The following RASGRP3 variants were observed in gnomAD, a reference collection of about 807,000 sequenced individuals.
RASGRP3 encodes the protein ras guanyl-releasing protein 3.
Under a neutral mutation model 82.7 loss-of-function variants are expected in RASGRP3, and 54 were observed. That is an observed-to-expected ratio of 0.65 (90% CI 0.52 to 0.82). The LOEUF (loss-of-function observed/expected upper bound fraction) is 0.82. Ranked by LOEUF, RASGRP3 falls within the 40% of genes least tolerant of loss-of-function variation. RASGRP3 has a pLI of 0.00. For missense variants in RASGRP3, 861 were observed against 828.9 expected (o/e 1.04, Z -0.48); for synonymous variants, 309 against 300.5 (o/e 1.03, Z -0.29).
At chr2:33,484,862 T>C (rs1264955680) in intron 1 of RASGRP3, among the ~76,000 whole-genome samples, 1 of 152,148 alleles carries the variant, frequency 6.6e-6, no homozygotes, top group Non-Finnish European at 1.5e-5. Context: ...AGTAGGTGCC[T>C]TTTTCATCCA....
At chr2:33,559,721 CA>C (rs1676440239) in intron 17 of RASGRP3, 1 of 483,182 alleles carries the variant, frequency 2.1e-6, no homozygotes. Flanking sequence ...ACATTTAAAG[CA>C]ATGTCATGGA....
chr2:33,465,597 A>T (rs1666650277), intron 2 of RASGRP3, among the ~76,000 whole-genome samples: 1 of 152,250 alleles, frequency 6.6e-6, no homozygotes, highest in Non-Finnish European at 1.5e-5. Context: ...AAACTGCAGC[A>T]AGTTATCCAC....
chr2:33,507,277 C>A (rs1670470502), intron 1 of RASGRP3, among the ~76,000 whole-genome samples: 1 of 152,160 alleles, frequency 6.6e-6, no homozygotes, highest in African/African-American at 2.4e-5. Flanking sequence ...TGCCTGTAAT[C>A]CCAGGTACTC....
At chr2:33,454,009 G>C (rs1414398638) in intron 2 of RASGRP3, among the ~76,000 whole-genome samples, 4 of 152,312 alleles carry the variant, frequency 2.6e-5, no homozygotes, top group African/African-American at 9.6e-5. Flanking sequence ...TCTGTGGATT[G>C]AGATGGCTGT....
At chr2:33,560,039 T>A (rs1470122316) in intron 17 of RASGRP3, among the ~76,000 whole-genome samples, 2 of 152,218 alleles carry the variant, frequency 1.3e-5, no homozygotes, top group African/African-American at 2.4e-5. Context: ...TTCTATAACA[T>A]CCACTTTTAA....
chr2:33,510,953 G>C (rs1304038658), intron 1 of RASGRP3, among the ~76,000 whole-genome samples: 1 of 152,040 alleles, frequency 6.6e-6, no homozygotes, highest in African/African-American at 2.4e-5. Context: ...AGTGTCCTAG[G>C]CAACCTCAGA....
intron 2 of RASGRP3, among the ~76,000 whole-genome samples, chr2:33,466,252 G>A (rs1490407026): frequency 1.3e-5 from 2 of 152,202 alleles, no homozygotes; most frequent in Non-Finnish European, 2.9e-5. Flanking sequence ...AAATCCTTCT[G>A]GAAAGGATTC....
At chr2:33,552,701 T>G (rs1675489874) in intron 14 of RASGRP3, among the ~76,000 whole-genome samples, 1 of 152,038 alleles carries the variant, frequency 6.6e-6, no homozygotes. Context: ...GCAGAAGATT[T>G]ACTTTAGAAT....
intron 2 of RASGRP3, among the ~76,000 whole-genome samples, chr2:33,450,410 C>T (rs542229783): frequency 1.9e-4 from 28 of 151,320 alleles, no homozygotes; most frequent in South Asian, 2.1e-4. Flanking sequence ...CCTTGCAATC[C>T]TCATTCTACT....
rs773178507 is a variant in RASGRP3 at position 33,520,051 on chromosome 2, T to G, written c.236+37T>G. 9 of 1,501,390 alleles carry G rather than the reference T, an allele frequency of 6.0e-6. No individual in the cohort carries two copies. The East Asian group carries it at 2.2e-4, about 36-fold the overall frequency. The allele number at this position is 1,501,390 out of a possible 1,614,324, so 93.0% of individuals were successfully genotyped here. ...TACAAATTTAATTTCTTGTAGTTTCTGGTTCTGGAATCGTGGACAATTTCC... is the reference window on the plus strand; with the variant it reads ...TACAAATTTAATTTCTTGTAGTTTCGGGTTCTGGAATCGTGGACAATTTCC... On this transcript the variant is annotated intron_variant, in intron 5 of 17. Transcript: ENST00000403687.
At chr2:33,468,435 TC>T (rs1666853655) in intron 2 of RASGRP3, among the ~76,000 whole-genome samples, 2 of 152,160 alleles carry the variant, frequency 1.3e-5, no homozygotes, top group Middle Eastern at 3.4e-3. Context: ...GGAGTCTCGC[TC>T]TGTTGCCCAG....
chr2:33,480,750 A>G (rs962173920), intron 1 of RASGRP3, among the ~76,000 whole-genome samples: 1 of 152,116 alleles, frequency 6.6e-6, no homozygotes, highest in African/African-American at 2.4e-5. Flanking sequence ...TTCCCTTGGT[A>G]TTGATTGCTC....
At chr2:33,480,997 A>T (rs1667842394) in intron 1 of RASGRP3, among the ~76,000 whole-genome samples, 1 of 152,130 alleles carries the variant, frequency 6.6e-6, no homozygotes, top group African/African-American at 2.4e-5. Context: ...CCCATGAAAG[A>T]GGGAGGGTAT....
chr2:33,483,731 C>T (rs918878378), intron 1 of RASGRP3, among the ~76,000 whole-genome samples: 6 of 152,028 alleles, frequency 3.9e-5, no homozygotes, highest in East Asian at 3.9e-4. Context: ...TTAAGTGATC[C>T]GCCTGCCTCG....
intron 9 of RASGRP3, 87 bp downstream of exon 9, chr2:33,524,635 G>C (rs1672349207): frequency 9.8e-7 from 1 of 1,020,094 alleles, no homozygotes; most frequent in Admixed American, 2.7e-5. Context: ...ATGTCACTCA[G>C]AGTGGGAAAG....
rs1667040306 is a variant in RASGRP3, at chr2:33,471,206, TTC to T, written c.-261+23267_-261+23268del. On this transcript the variant is annotated intron_variant, in intron 2 of 18. Transcript: ENST00000402538. ...GATTATTGTGGCAATCCAAAAGTTT[TTC>T]TCTGTTGCCCAGTCTGGAGTGCAGT... Among the ~76,000 whole-genome samples the T allele has an allele frequency of 2.0e-5, 3 of 152,016 alleles. No homozygotes were observed. The South Asian group carries it at 6.2e-4, about 32-fold the overall frequency.
In RASGRP3 at chr2:33,540,551, G is replaced by GT. The variant is rs1674158345; in HGVS notation, c.1278+1342dup. Among the ~76,000 whole-genome samples, 4 of 31,824 alleles carry GT rather than the reference G, an allele frequency of 1.3e-4. 1 individual carries two copies. The highest frequency in any genetic ancestry group is 5.7e-4 in the African/African-American group (4 of 7,056). The allele number at this position is 31,824 out of a possible 152,430, so 20.9% of individuals were successfully genotyped here. A position where few individuals can be genotyped will look rare whatever the true frequency, so the allele number is the denominator to read the frequency against. ...TCTCTCTCTCTCTCTCTCTGTGTGT[G>GT]TGTTTTGTGTGTGTGTGTGTGTGTG... On this transcript the variant is annotated intron_variant, in intron 12 of 17. Transcript: ENST00000403687.
chr2:33,464,627 C>T lies in RASGRP3; in HGVS notation c.-261+16684C>T, dbSNP rs112610257. Among the ~76,000 whole-genome samples, 1,466 of 152,184 alleles carry T rather than the reference C, an allele frequency of 9.6e-3. 22 individuals carry two copies. Among genetic ancestry groups the T allele is most frequent in the African/African-American group, 0.032 (1,345 of 41,510 alleles). On this transcript the variant is annotated intron_variant, in intron 2 of 18. Transcript: ENST00000402538. ...AGCTGGGATTACAGGCACATGCCGC[C>T]ACACCAAGCTGATTTCTTTTCTTAC...
upstream of RASGRP3, among the ~76,000 whole-genome samples, chr2:33,474,721 C>T (rs7580647): frequency 0.2 from 30,246 of 152,148 alleles, 3,256 homozygotes; most frequent in South Asian, 0.3. Context: ...GTAAGTTTCA[C>T]GAGGCCTCCC....
Sources: allele counts gnomAD v4.1 joint callset (sites outside exome capture counted in the v4.1 genomes callset), GRCh38; gene constraint gnomAD v4.1.1; transcripts MANE v1.5; gene names NCBI Gene and HGNC (gene_info 2026-07-23, HGNC 2026-07-21).